SPACA6: variants seen among roughly 807,000 people sequenced by gnomAD.
SPACA6 encodes the protein sperm acrosome associated 6.
For missense variants in SPACA6, 8 were observed against 2.8 expected, an observed-to-expected ratio of 2.88 and a Z score of -1.34; for synonymous variants, 6 against 1.5, an observed-to-expected ratio of 4.05 and a Z score of -2.21.
chr19:51,687,571 A>T (rs960899022), upstream of SPACA6: 7 of 151,972 alleles, frequency 4.6e-5, no homozygotes, highest in Admixed American at 1.3e-4. Flanking sequence ...ATATGTGCAT[A>T]GATGTATAAA....
At chr19:51,695,109 C>CTTTATAAGA (rs1228161413) in intron 2 of SPACA6, among the ~76,000 whole-genome samples, 2 of 152,136 alleles carry the variant, frequency 1.3e-5, no homozygotes, top group African/African-American at 4.8e-5. Context: ...AGTGATTCCA[C>CTTTATAAGA]ATTTTTGAGG....
intron 2 of SPACA6, among the ~76,000 whole-genome samples, chr19:51,711,113 C>T (rs573290879): frequency 9.7e-4 from 148 of 152,174 alleles, no homozygotes; most frequent in African/African-American, 3.2e-3. Flanking sequence ...GTAAAGAAAG[C>T]GTTTCAAGGA....
In SPACA6 at chr19:51,704,275, G is replaced by A. The variant is rs2305373; in HGVS notation, c.736G>A (p.Gly246Ser). The stretch of plus-strand genomic sequence containing the variant: ...TGACGTGCGCGCCCCCGCAGTGACG[G>A]GCCCGCCCCCGCGGGCGGAGACAGA... ...ARLYFFLNVT[G>S]PPPRAETELQ... is the part of the protein sequence containing the mutation. The change falls in exon 8 of 9, where the codon GGC becomes AGC. Residue 246 changes from glycine (G) to serine (S), a missense_variant. Transcript: ENST00000637797. The A allele has an allele frequency of 0.016, 6,512 of 400,646 alleles. 117 individuals are homozygous for A. The highest frequency in any genetic ancestry group is 0.06 in the African/African-American group (2,937 of 48,792). 24.8% of individuals were successfully genotyped at this position (400,646 alleles called of 1,614,324 possible).
chr19:51,711,458 G>T (rs375300986), intron 2 of SPACA6, among the ~76,000 whole-genome samples: 94 of 152,272 alleles, frequency 6.2e-4, no homozygotes, highest in African/African-American at 2.1e-3. Context: ...AAACGGTACA[G>T]TCCCTGTGCA....
downstream of SPACA6, among the ~76,000 whole-genome samples, chr19:51,712,796 G>A (rs1366673278): frequency 6.6e-6 from 1 of 152,160 alleles, no homozygotes; most frequent in Non-Finnish European, 1.5e-5. Context: ...AGGTGCTGGA[G>A]GTTTGAGGAG....
upstream of SPACA6, among the ~76,000 whole-genome samples, chr19:51,690,604 G>C (rs1335465126): frequency 1.3e-5 from 2 of 152,122 alleles, no homozygotes; most frequent in African/African-American, 4.8e-5. Flanking sequence ...CCGCAGAGAG[G>C]GGGAGGGGGA....
At chr19:51,699,216 C>T (rs1455787350) in intron 2 of SPACA6, among the ~76,000 whole-genome samples, 3 of 152,030 alleles carry the variant, frequency 2.0e-5, no homozygotes, top group Non-Finnish European at 4.4e-5. Context: ...GATATGTTGC[C>T]CAGGCTTGTC....
Position 51,703,063 on chromosome 19 carries a change from ACTCTAGGGTCTGCGACCT to A in SPACA6, c.430_447del (p.Ser144_Leu149del). The A allele has an allele frequency of 2.5e-6, 1 of 399,170 alleles. No homozygotes were observed. The allele number at this position is 399,170 out of a possible 1,614,324, so 24.7% of individuals were successfully genotyped here. Reference sequence around the variant, plus strand: ...CGGCGTTTCCTCTGCAGCGGGTGCTACTCTAGGGTCTGCGACCTCCCGCTGGACTGCCCAGGTGAGGGG... The same window carrying A: ...CGGCGTTTCCTCTGCAGCGGGTGCTACCCGCTGGACTGCCCAGGTGAGGGG... On this transcript the variant is annotated inframe_deletion, in exon 5 of 9. Coordinates refer to ENST00000637797, the MANE Select transcript of SPACA6 (RefSeq NM_001316972.2). This position sits in a 1 kb window ranked among gnomAD's most constrained non-coding sequence, Gnocchi z 4.2.
upstream of SPACA6, chr19:51,692,781 C>T (rs776969021): frequency 9.4e-6 from 5 of 534,400 alleles, no homozygotes; most frequent in Admixed American, 7.8e-5. The surrounding 1 kb of genome is among the most constrained non-coding windows in gnomAD (Gnocchi z 5.6). Context: ...CCACCTGCCG[C>T]GCCCCCCGGG....
intron 1 of SPACA6, 148 bp downstream of exon 1, chr19:51,693,888 G>A (rs1052616947): frequency 8.1e-5 from 32 of 397,260 alleles, no homozygotes; most frequent in Non-Finnish European, 1.0e-4. Flanking sequence ...AGAGACTTAG[G>A]GACAGAGAGA....
intron 2 of SPACA6, among the ~76,000 whole-genome samples, chr19:51,697,974 G>A (rs1378103993): frequency 6.6e-6 from 1 of 152,104 alleles, no homozygotes; most frequent in Non-Finnish European, 1.5e-5. Context: ...CTACGTGCTA[G>A]GAGCCATTCT....
rs547163956 is a variant in SPACA6 at position 51,695,132 on chromosome 19, A to C, written c.292+577A>C. On this transcript the variant is annotated intron_variant, in intron 2 of 8. Coordinates refer to ENST00000637797, the MANE Select transcript of SPACA6 (RefSeq NM_001316972.2). ...CACATTTTTGAGGTGTGAGGCAATT[A>C]GAGGGCGGGAAAACAGGAACAGCAG... Among the ~76,000 whole-genome samples the C allele has an allele frequency of 4.6e-5, 7 of 152,286 alleles. No individual in the cohort carries two copies. In the South Asian group the frequency reaches 1.5e-3, roughly 32 times the overall value.
At chr19:51,688,709 G>C (rs1213579023), upstream of SPACA6, among the ~76,000 whole-genome samples, 2 of 152,050 alleles carry the variant, frequency 1.3e-5, no homozygotes, top group Non-Finnish European at 2.9e-5. Context: ...GGGAGGGAGA[G>C]AAACAGAGAA....
upstream of SPACA6, among the ~76,000 whole-genome samples, chr19:51,690,520 G>A (rs923938025): frequency 6.6e-6 from 1 of 152,114 alleles, no homozygotes; most frequent in Non-Finnish European, 1.5e-5. Flanking sequence ...GGGGTTAAGG[G>A]GGCGGGACCA....
At chr19:51,687,433 AAATG>A (rs1250745537), upstream of SPACA6, 1 of 151,896 alleles carries the variant, frequency 6.6e-6, no homozygotes, top group Non-Finnish European at 1.5e-5. Context: ...ATCACTATTA[AAATG>A]AATGAGGAGG....
At chr19:51,690,682 C>G (rs2083362543), upstream of SPACA6, among the ~76,000 whole-genome samples, 1 of 152,134 alleles carries the variant, frequency 6.6e-6, no homozygotes, top group South Asian at 2.1e-4. Flanking sequence ...AGGGAGTTCG[C>G]GTTTCCACCA....
intron 1 of SPACA6, chr19:51,694,059 A>G: frequency 4.1e-6 from 1 of 245,626 alleles, no homozygotes; most frequent in East Asian, 7.6e-5. Context: ...AGAGTCAGAG[A>G]GGGGAGGATG....
At chr19:51,705,352 C>G (rs1285515742), downstream of SPACA6, 1 of 364,542 alleles carries the variant, frequency 2.7e-6, no homozygotes, top group Admixed American at 4.6e-5. Context: ...AGGTTACTGG[C>G]TGTCTCCTTG....
At chr19:51,689,606 G>A (rs2083352353), upstream of SPACA6, 1 of 151,044 alleles carries the variant, frequency 6.6e-6, no homozygotes, top group Non-Finnish European at 1.5e-5. Flanking sequence ...AAGGGAGGGT[G>A]GGGGGCTGGG....
Sources: allele counts gnomAD v4.1 joint callset (sites outside exome capture counted in the v4.1 genomes callset), GRCh38; gene constraint gnomAD v4.1.1; non-coding constraint Gnocchi (gnomAD v3.1); transcripts MANE v1.5; gene names NCBI Gene and HGNC (gene_info 2026-07-23, HGNC 2026-07-21).